Variants in PGPEP1L observed in about 807,000 individuals in gnomAD.
The protein encoded by PGPEP1L is pyroglutamyl-peptidase 1-like protein.
In PGPEP1L, 7 loss-of-function variants were observed where a neutral mutation model predicts 6.0. The observed-to-expected ratio is 1.17, with a 90% CI of 0.66 to 2.19. The LOEUF is 2.19. PGPEP1L is among the 30% of genes most tolerant of loss of function. The pLI, the probability that PGPEP1L is intolerant of heterozygous loss-of-function variation, is 0.00. For missense variants in PGPEP1L, 209 were observed against 192.5 expected (o/e 1.09, Z -0.51); for synonymous variants, 103 against 83.9 (o/e 1.23, Z -1.24).
chr15:98,975,024 C>G (rs1360558059), intron 2 of PGPEP1L, among the ~76,000 whole-genome samples: 3 of 152,190 alleles, frequency 2.0e-5, no homozygotes, highest in Non-Finnish European at 4.4e-5. Flanking sequence ...CTTCCCATGT[C>G]TTTTGCAGCA....
chr15:98,974,018 C>T (rs573170258), intron 2 of PGPEP1L, among the ~76,000 whole-genome samples: 30 of 152,190 alleles, frequency 2.0e-4, no homozygotes, highest in African/African-American at 6.7e-4. Context: ...ACATTAAAAT[C>T]GATACCCCAG....
intron 2 of PGPEP1L, among the ~76,000 whole-genome samples, chr15:99,003,184 T>C (rs1596529987): frequency 7.2e-6 from 1 of 139,836 alleles, no homozygotes; most frequent in African/African-American, 3.0e-5. Flanking sequence ...AAAAGGGCAG[T>C]TATAGAAAAT....
chr15:98,999,284 C>G (rs2017928609), intron 2 of PGPEP1L, among the ~76,000 whole-genome samples: 1 of 152,174 alleles, frequency 6.6e-6, no homozygotes, highest in South Asian at 2.1e-4. Context: ...CATGAAGAGA[C>G]ATGTCAGTGA....
rs1417024642 is a variant in PGPEP1L at position 98,968,580 on chromosome 15, C to T, written c.327G>A (p.Leu109=). ...CCAGCATTTCCTGGATGATGACTCT[C>T]AAGGCTCTTCCCAGCAGGCTGGCCG... ...GLPASLLGRA[L]RVIIQEMLEE... The change falls in exon 5 of 5, where the codon TTG becomes TTA. Residue 109 remains leucine (L), a synonymous_variant. Coordinates refer to ENST00000535714, the MANE Select transcript of PGPEP1L (RefSeq NM_001167902.2). 3 of 1,611,836 alleles carry T rather than the reference C, an allele frequency of 1.9e-6. No homozygotes were observed. The highest frequency in any genetic ancestry group is 2.5e-6 in the Non-Finnish European group (3 of 1,179,142).
At chr15:98,972,458 A>G (rs563641533) in intron 2 of PGPEP1L, among the ~76,000 whole-genome samples, 303 of 152,246 alleles carry the variant, frequency 2.0e-3, no homozygotes, top group African/African-American at 7.0e-3. Flanking sequence ...ATAGTAAGAG[A>G]GGAAAAAAGG....
chr15:98,995,986 ATC>A (rs1163136284), intron 2 of PGPEP1L, among the ~76,000 whole-genome samples: 1 of 152,090 alleles, frequency 6.6e-6, no homozygotes, highest in African/African-American at 2.4e-5. Flanking sequence ...CTTTTAAATC[ATC>A]TGTTAAATTT....
chr15:98,975,198 T>C (rs528376490), intron 2 of PGPEP1L, among the ~76,000 whole-genome samples: 1 of 152,354 alleles, frequency 6.6e-6, no homozygotes, highest in South Asian at 2.1e-4. Flanking sequence ...GAGGTCATTA[T>C]GTTAAGTGAA....
chr15:98,980,786 G>T (rs2017647100), intron 2 of PGPEP1L, among the ~76,000 whole-genome samples: 3 of 152,044 alleles, frequency 2.0e-5, no homozygotes, highest in Admixed American at 6.6e-5. Flanking sequence ...ACAAAAATTA[G>T]CCAGGCGTGG....
rs1205400643 is a variant in PGPEP1L at position 99,007,471 on chromosome 15, C to CAA, written c.-484_-483dup. ...TACAGTTTTTAAAGGCAGCGTGTCC[C>CAA]AAGTTTGTTTCTTCTGATGCTCGCA... On this transcript the variant is annotated 5_prime_UTR_variant, in exon 1 of 5. The change abolishes the stop of an existing upstream ORF in the 5' untranslated region. Coordinates refer to ENST00000535714, the MANE Select transcript of PGPEP1L (RefSeq NM_001167902.2). 1 of 152,220 alleles carries CAA rather than the reference C, an allele frequency of 6.6e-6. No homozygotes were observed. The highest frequency in any genetic ancestry group is 2.4e-5 in the African/African-American group (1 of 41,414). 9.4% of individuals were successfully genotyped at this position (152,220 alleles called of 1,614,324 possible).
intron 2 of PGPEP1L, among the ~76,000 whole-genome samples, chr15:99,000,162 G>C (rs1397036544): frequency 6.6e-6 from 1 of 152,254 alleles, no homozygotes; most frequent in Admixed American, 6.5e-5. Context: ...CAGCCCCGCC[G>C]GCCCCAGGCA....
intron 2 of PGPEP1L, among the ~76,000 whole-genome samples, chr15:98,991,309 A>T (rs1473242890): frequency 1.3e-5 from 2 of 152,252 alleles, no homozygotes; most frequent in Non-Finnish European, 2.9e-5. Flanking sequence ...ACGAACTACC[A>T]TCAGAGAATA....
At chr15:98,979,439 T>C (rs2017622890) in intron 2 of PGPEP1L, among the ~76,000 whole-genome samples, 1 of 152,062 alleles carries the variant, frequency 6.6e-6, no homozygotes, top group Non-Finnish European at 1.5e-5. Context: ...CAGACTTCTA[T>C]ATATAAGTAG....
intron 2 of PGPEP1L, among the ~76,000 whole-genome samples, chr15:98,979,869 C>T (rs2017632474): frequency 6.6e-6 from 1 of 151,910 alleles, no homozygotes; most frequent in Non-Finnish European, 1.5e-5. Context: ...AGGCTGGTCT[C>T]GAACTCCTGA....
chr15:99,000,463 C>T (rs1356810260), intron 2 of PGPEP1L, among the ~76,000 whole-genome samples: 1 of 152,224 alleles, frequency 6.6e-6, no homozygotes, highest in Non-Finnish European at 1.5e-5. Context: ...GCCAGCTGGG[C>T]TCCTGAGTCT....
intron 2 of PGPEP1L, among the ~76,000 whole-genome samples, chr15:98,976,465 AT>A (rs1488039272): frequency 2.6e-5 from 4 of 152,198 alleles, no homozygotes; most frequent in African/African-American, 4.8e-5. Context: ...TCTAAAAGTC[AT>A]TTTCTCATAT....
intron 2 of PGPEP1L, among the ~76,000 whole-genome samples, chr15:98,972,104 G>A (rs1289692304): frequency 1.3e-5 from 2 of 152,182 alleles, no homozygotes; most frequent in Admixed American, 1.3e-4. Flanking sequence ...TGTAATCCCA[G>A]CACTTTGGGA....
At chr15:99,006,137 G>A (rs1396481704) in intron 1 of PGPEP1L, among the ~76,000 whole-genome samples, 1 of 152,340 alleles carries the variant, frequency 6.6e-6, no homozygotes, top group East Asian at 1.9e-4. Context: ...GGTCCTCAGG[G>A]AAGTTAACCT....
chr15:98,974,079 T>C (rs1215204330), intron 2 of PGPEP1L, among the ~76,000 whole-genome samples: 2 of 151,782 alleles, frequency 1.3e-5, no homozygotes, highest in African/African-American at 2.4e-5. Context: ...ACCAACAAAT[T>C]GGAAAATATA....
intron 2 of PGPEP1L, among the ~76,000 whole-genome samples, chr15:98,993,692 A>AG (rs2017849092): frequency 7.4e-6 from 1 of 134,288 alleles, no homozygotes; most frequent in Admixed American, 7.5e-5. Flanking sequence ...GGGGTGGGGG[A>AG]GGGATAGCAT....
Sources: allele counts gnomAD v4.1 joint callset (sites outside exome capture counted in the v4.1 genomes callset), GRCh38; gene constraint gnomAD v4.1.1; transcripts MANE v1.5; gene names NCBI Gene and HGNC (gene_info 2026-07-23, HGNC 2026-07-21).